The following STK3 variants were observed in gnomAD, a reference collection of about 807,000 sequenced individuals.
STK3 encodes the protein serine/threonine kinase 3.
Under a neutral mutation model 58.0 loss-of-function variants are expected in STK3, and 41 were observed. The ratio of observed to expected loss-of-function variants is 0.71; its 90% CI spans 0.55 to 0.92. STK3 has a LOEUF of 0.92. STK3 is among the 40% of genes least tolerant of loss of function. STK3 has a pLI of 0.00. For synonymous variants in STK3, 170 were observed against 191.0 expected (o/e 0.89, Z 0.91); for missense variants, 479 against 602.7 (o/e 0.79, Z 2.15).
intron 6 of STK3, among the ~76,000 whole-genome samples, chr8:98,652,745 A>G (rs1363746404): frequency 6.7e-6 from 1 of 150,058 alleles, no homozygotes; most frequent in Non-Finnish European, 1.5e-5. Flanking sequence ...AGGCCATTAC[A>G]TAATGGTAAA....
the STK3 span, among the ~76,000 whole-genome samples, chr8:98,352,783 C>A: frequency 2.0e-5 from 3 of 151,092 alleles, no homozygotes; most frequent in Admixed American, 6.6e-5. Context: ...AAAAAAAAAA[C>A]AATGTACAGT....
chr8:98,917,456 C>G (rs1014441613), intron 1 of STK3, among the ~76,000 whole-genome samples: 1 of 152,126 alleles, frequency 6.6e-6, no homozygotes, highest in Non-Finnish European at 1.5e-5. Context: ...ATCTTTAAAT[C>G]CTAACCCCCA....
chr8:98,778,454 T>C (rs1335458434), intron 1 of STK3, among the ~76,000 whole-genome samples: 2 of 152,058 alleles, frequency 1.3e-5, no homozygotes, highest in Admixed American at 6.6e-5. Flanking sequence ...AGTTCAACCA[T>C]TGTGGAAGAC....
intron 3 of STK3, among the ~76,000 whole-genome samples, chr8:98,838,602 T>C (rs973423489): frequency 1.3e-5 from 2 of 152,214 alleles, no homozygotes; most frequent in African/African-American, 4.8e-5. Context: ...AAGGCCAGTC[T>C]GAGCATGTGA....
At chr8:98,565,139 T>G (rs1192604880) in intron 8 of STK3, among the ~76,000 whole-genome samples, 2 of 152,150 alleles carry the variant, frequency 1.3e-5, no homozygotes, top group African/African-American at 4.8e-5. Context: ...CTACAACCCA[T>G]AAGTCAGTGG....
rs762112595 is a variant in STK3 at position 98,427,965 on chromosome 8, G to A, written n.483+6162C>T. 19 of 1,488,874 alleles carry A rather than the reference G, an allele frequency of 1.3e-5. No individual in the cohort carries two copies. In the East Asian group the frequency reaches 4.0e-4, roughly 31 times the overall value. The allele number at this position is 1,488,874 out of a possible 1,614,324, so 92.2% of individuals were successfully genotyped here. On this transcript the variant is annotated intron_variant and non_coding_transcript_variant, in intron 3 of 3. Transcript: ENST00000517832. The stretch of plus-strand genomic sequence containing the variant: ...GTAGCGCCCCCGCGCGGCGCGGGCG[G>A]CCGGCGCCTCCAGCATGACCGGCCA...
chr8:98,826,028 C>G (rs1201687720), upstream of STK3, among the ~76,000 whole-genome samples: 3 of 151,626 alleles, frequency 2.0e-5, no homozygotes, highest in Non-Finnish European at 4.4e-5. Flanking sequence ...CTGGCTGGCC[C>G]CAGAGCCCCG....
intron 2 of STK3, among the ~76,000 whole-genome samples, chr8:98,436,447 C>T (rs906488969): frequency 6.6e-6 from 1 of 152,196 alleles, no homozygotes; most frequent in African/African-American, 2.4e-5. Context: ...CTTGCTCTTC[C>T]TTCTGACTTC....
chr8:98,869,369 C>T (rs748073167), intron 3 of STK3, among the ~76,000 whole-genome samples: 5 of 151,956 alleles, frequency 3.3e-5, no homozygotes, highest in East Asian at 3.9e-4. Flanking sequence ...TACAGTGAGC[C>T]GAAATTGTGC....
chr8:98,453,948 T>G (rs1016029449), downstream of STK3, among the ~76,000 whole-genome samples: 1 of 152,210 alleles, frequency 6.6e-6, no homozygotes, highest in African/African-American at 2.4e-5. Context: ...GACTCCAGTA[T>G]AGATTTGCTG....
intron 1 of STK3, among the ~76,000 whole-genome samples, chr8:98,930,661 T>C (rs899268267): frequency 7.2e-5 from 11 of 152,106 alleles, no homozygotes; most frequent in African/African-American, 2.2e-4. Flanking sequence ...TTAGGAAGGG[T>C]AAAAAATAAA....
chr8:98,833,465 GAT>G (rs1835619138), intron 3 of STK3, among the ~76,000 whole-genome samples: 2 of 152,154 alleles, frequency 1.3e-5, no homozygotes, highest in South Asian at 4.1e-4. Flanking sequence ...ATCAGGAAAA[GAT>G]ATGGAAAGGG....
chr8:98,869,021 A>AGG (rs1837251002), intron 3 of STK3, among the ~76,000 whole-genome samples: 1 of 132,976 alleles, frequency 7.5e-6, no homozygotes, highest in Non-Finnish European at 1.6e-5. Flanking sequence ...AGAAAAAGGA[A>AGG]AGAAGGAAGG....
At chr8:98,470,904 A>G (rs1044422221) in intron 10 of STK3, among the ~76,000 whole-genome samples, 2 of 152,230 alleles carry the variant, frequency 1.3e-5, no homozygotes, top group African/African-American at 4.8e-5. Flanking sequence ...CCACTTAGAA[A>G]TTAACTGATA....
chr8:98,923,854 TGCGCGCGCGCGC>T (rs3029998), intron 1 of STK3, among the ~76,000 whole-genome samples: 2,662 of 113,670 alleles, frequency 0.023, 53 homozygotes, highest in South Asian at 0.087. Flanking sequence ...TGTGTGTGTG[TGCGCGCGCGCGC>T]GCGCGCGCGC....
At chr8:98,821,452 C>T (rs990632194) in intron 1 of STK3, among the ~76,000 whole-genome samples, 1 of 151,062 alleles carries the variant, frequency 6.6e-6, no homozygotes, top group Non-Finnish European at 1.5e-5. Flanking sequence ...CTTTTAATAA[C>T]GACTTTGGCC....
intron 3 of STK3, among the ~76,000 whole-genome samples, chr8:98,853,559 A>G (rs1186414072): frequency 6.6e-6 from 1 of 152,158 alleles, no homozygotes; most frequent in Non-Finnish European, 1.5e-5. Flanking sequence ...TTCTCTGCTA[A>G]TGCACATTCT....
At chr8:98,682,476 C>G (rs1018472485) in intron 6 of STK3, among the ~76,000 whole-genome samples, 2 of 152,130 alleles carry the variant, frequency 1.3e-5, no homozygotes, top group African/African-American at 4.8e-5. Context: ...TACCGAAATG[C>G]TTACAAAGTC....
chr8:98,707,035 T>TA (rs2131071934), intron 5 of STK3, 112 bp downstream of exon 5: 2 of 1,204,762 alleles, frequency 1.7e-6, no homozygotes, highest in East Asian at 2.8e-5. Flanking sequence ...CCACAAAAAT[T>TA]AAAAAACTAC....
Sources: allele counts gnomAD v4.1 joint callset (sites outside exome capture counted in the v4.1 genomes callset), GRCh38; gene constraint gnomAD v4.1.1; transcripts MANE v1.5; gene names NCBI Gene and HGNC (gene_info 2026-07-23, HGNC 2026-07-21).